GALNT15: variants seen among roughly 807,000 people sequenced by gnomAD.
GALNT15 encodes polypeptide N-acetylgalactosaminyltransferase 15.
In GALNT15, 67 loss-of-function variants were observed where a neutral mutation model predicts 66.8. The observed-to-expected ratio is 1.00, with a 90% CI of 0.82 to 1.23. The LOEUF is 1.23. GALNT15 is among the 50% of genes most tolerant of loss of function. The probability of loss-of-function intolerance (pLI) is 0.00; values close to 1 mark genes in which losing one functional copy is unlikely to be tolerated. For synonymous variants in GALNT15, 313 were observed against 311.5 expected (o/e 1.00, Z -0.05); for missense variants, 827 against 804.3 (o/e 1.03, Z -0.34).
intron 1 of GALNT15, among the ~76,000 whole-genome samples, chr3:16,190,344 C>T (rs901895142): frequency 7.9e-5 from 12 of 152,170 alleles, no homozygotes; most frequent in South Asian, 2.1e-4. Flanking sequence ...AGAAACAAAA[C>T]AATCCCTGGC....
At chr3:16,237,014 T>G in the GALNT15 span, among the ~76,000 whole-genome samples, 1 of 152,216 alleles carries the variant, frequency 6.6e-6, no homozygotes, top group African/African-American at 2.4e-5. The surrounding 1 kb of genome is among the most constrained non-coding windows in gnomAD (Gnocchi z 4.2). Flanking sequence ...CTTACTGTGG[T>G]GAAGACATTC....
At position 16,175,054 on chromosome 3, in the gene GALNT15, G is replaced by A; in HGVS notation, c.-98G>A. 2 of 1,225,548 alleles carry A rather than the reference G, an allele frequency of 1.6e-6. No homozygotes were observed. Among genetic ancestry groups the A allele is most frequent in the Non-Finnish European group, 1.1e-6 (1 of 876,268 alleles). The allele number at this position is 1,225,548 out of a possible 1,614,324, so 75.9% of individuals were successfully genotyped here. A position where few individuals can be genotyped will look rare whatever the true frequency, so the allele number is the denominator to read the frequency against. The stretch of plus-strand genomic sequence containing the variant: ...TGACTGGCAGAAAAACTTCCAGGTG[G>A]AACAAGCAACCCAGGTTCTGCTGCA... On this transcript the variant is annotated 5_prime_UTR_variant, in exon 1 of 10. Transcript: ENST00000339732. This position sits in a 1 kb window ranked among gnomAD's most constrained non-coding sequence, Gnocchi z 5.6.
downstream of GALNT15, among the ~76,000 whole-genome samples, chr3:16,232,507 T>C (rs1559698427): frequency 1.2e-5 from 1 of 84,116 alleles, no homozygotes; most frequent in African/African-American, 5.5e-5. Flanking sequence ...TATATATATA[T>C]ATATTTATTT....
chr3:16,235,143 T>C (rs1009631268), downstream of GALNT15, among the ~76,000 whole-genome samples: 29 of 152,146 alleles, frequency 1.9e-4, no homozygotes, highest in African/African-American at 6.8e-4. Context: ...CAGGATGGTC[T>C]CGATCTCCTG....
chr3:16,235,795 G>A (rs2064122203), downstream of GALNT15, among the ~76,000 whole-genome samples: 1 of 152,054 alleles, frequency 6.6e-6, no homozygotes, highest in Non-Finnish European at 1.5e-5. Context: ...TGCCGGGTAG[G>A]ATAGATACCA....
chr3:16,215,636 G>A (rs1284154710), intron 6 of GALNT15, among the ~76,000 whole-genome samples: 2 of 152,146 alleles, frequency 1.3e-5, no homozygotes, highest in Non-Finnish European at 2.9e-5. Context: ...GCTCGGCTGG[G>A]CACAGTGGCT....
chr3:16,220,430 C>T (rs2063930949), intron 8 of GALNT15, among the ~76,000 whole-genome samples: 1 of 152,164 alleles, frequency 6.6e-6, no homozygotes, highest in African/African-American at 2.4e-5. Context: ...ACAGGGTCAT[C>T]CCAGCCTCCA....
rs61127995 is a variant in GALNT15 at position 16,200,115 on chromosome 3, AAG to A, written c.707-491_707-490del. On this transcript the variant is annotated intron_variant, in intron 2 of 9. Coordinates refer to ENST00000339732, the MANE Select transcript of GALNT15 (RefSeq NM_054110.5). The surrounding 1 kb of genome is among the most constrained non-coding windows in gnomAD (Gnocchi z 4.4). ...GTCTTACATGGCAGCAAGTGAGAGA[AAG>A]AGAGAGAGAGAGGAGGAAAAACTAT... Among the ~76,000 whole-genome samples the A allele has an allele frequency of 7.3e-5, 11 of 151,498 alleles. No homozygotes were observed. The highest frequency in any genetic ancestry group is 1.9e-4 in the East Asian group (1 of 5,156).
chr3:16,235,026 C>T (rs1305019769), downstream of GALNT15, among the ~76,000 whole-genome samples: 1 of 151,826 alleles, frequency 6.6e-6, no homozygotes, highest in Non-Finnish European at 1.5e-5. Context: ...GGGTTCACAC[C>T]ATTATCCTGC....
chr3:16,223,577 G>A (rs1011659481), intron 9 of GALNT15, among the ~76,000 whole-genome samples: 14 of 152,090 alleles, frequency 9.2e-5, no homozygotes, highest in Admixed American at 7.2e-4. Flanking sequence ...GAAGAAAATC[G>A]TATGATAGAA....
At chr3:16,242,727 C>T in the GALNT15 span, among the ~76,000 whole-genome samples, 8 of 152,094 alleles carry the variant, frequency 5.3e-5, no homozygotes, top group East Asian at 3.8e-4. The surrounding 1 kb of genome is among the most constrained non-coding windows in gnomAD (Gnocchi z 5.6). Context: ...TGCCGTGAGC[C>T]GTGATTGTGC....
rs1294195260 is a variant in GALNT15 at position 16,204,464 on chromosome 3, G to A, written c.911+3641G>A. On this transcript the variant is annotated intron_variant, in intron 3 of 9. Transcript: ENST00000339732. The surrounding 1 kb of genome is among the most constrained non-coding windows in gnomAD (Gnocchi z 4.5). ...GCAACCCTACATAGAGTCTCCCTAT[G>A]GGCAACTGATTTTAGGGCAGCCCTG... 6.6e-6 allele frequency among the ~76,000 whole-genome samples: 1 copy of A among 152,120 alleles called. No homozygotes were observed.
chr3:16,210,973 C>A (rs577222451), intron 4 of GALNT15, 151 bp from the exon 5 acceptor site: 1 of 597,888 alleles, frequency 1.7e-6, no homozygotes, highest in African/African-American at 1.9e-5. Context: ...GGCTCTGCTC[C>A]AGTCTTGCAA....
intron 1 of GALNT15, among the ~76,000 whole-genome samples, chr3:16,177,846 T>A (rs2063427012): frequency 6.6e-6 from 1 of 152,266 alleles, no homozygotes; most frequent in Non-Finnish European, 1.5e-5. Flanking sequence ...TATGCATATA[T>A]GTACAAGTGT....
At chr3:16,201,208 G>A (rs571099161) in intron 3 of GALNT15, among the ~76,000 whole-genome samples, 14 of 150,228 alleles carry the variant, frequency 9.3e-5, no homozygotes, top group South Asian at 2.1e-4. Context: ...TTGTGATGGC[G>A]TCTCGCTCTG....
At position 16,181,490 on chromosome 3, in the gene GALNT15, C is replaced by T. The variant is rs1490440325; in HGVS notation, c.539+5800C>T. 5.3e-5 allele frequency among the ~76,000 whole-genome samples: 8 copies of T among 151,936 alleles called. No individual in the cohort carries two copies. Among genetic ancestry groups the T allele is most frequent in the South Asian group, 2.1e-4 (1 of 4,812 alleles). On this transcript the variant is annotated intron_variant, in intron 1 of 9. Transcript: ENST00000339732. This position sits in a 1 kb window ranked among gnomAD's most constrained non-coding sequence, Gnocchi z 5.9. ...GAGGGAAGGGCAGGGGCGGGAGAGT[C>T]GCCTTGGCTGCAGCTTTGTTGTCAA...
rs754261703 is a variant in GALNT15, at chr3:16,175,278, A to C, written c.127A>C (p.Thr43Pro). Reference protein sequence around the residue: ...LHPPHHTLHQTVTAQASKHSP... With the variant: ...LHPPHHTLHQPVTAQASKHSP... Reference sequence around the variant, plus strand: ...CCCTCCCCACCACACCCTGCACCAGACTGTCACAGCCCAAGCCAGCAAGCA... The same window carrying C: ...CCCTCCCCACCACACCCTGCACCAGCCTGTCACAGCCCAAGCCAGCAAGCA... Residue 43 changes from threonine to proline, a missense_variant, in exon 1 of 10, where the codon ACT becomes CCT. Transcript: ENST00000339732. The surrounding 1 kb of genome is among the most constrained non-coding windows in gnomAD (Gnocchi z 5.6). The C allele has an allele frequency of 1.9e-6, 3 of 1,614,120 alleles. No homozygotes were observed. The highest frequency in any genetic ancestry group is 3.3e-5 in the Admixed American group (2 of 60,014).
rs1331057312 is a variant in GALNT15 at position 16,195,937 on chromosome 3, C to T, written c.706+11C>T. The T allele has an allele frequency of 1.2e-6, 2 of 1,613,810 alleles. No homozygotes were observed. On this transcript the variant is annotated intron_variant, in intron 2 of 9. Coordinates refer to ENST00000339732, the MANE Select transcript of GALNT15 (RefSeq NM_054110.5). The surrounding 1 kb of genome is among the most constrained non-coding windows in gnomAD (Gnocchi z 4.6). The stretch of plus-strand genomic sequence containing the variant: ...ACCTCAGCCAGCAAGGTAGCCACGG[C>T]TTTCCTCCAGGCTCGTCTGGGTGAG...
In GALNT15 at chr3:16,227,390, A is replaced by C. The variant is rs573101406; in HGVS notation, c.1810A>C (p.Met604Leu). The change falls in exon 10 of 10, where the codon ATG becomes CTG. Residue 604 changes from methionine (M) to leucine (L), a missense_variant. Physicochemically the swap from Met to Leu is conservative, Grantham distance 15. Coordinates refer to ENST00000339732, the MANE Select transcript of GALNT15 (RefSeq NM_054110.5). This position sits in a 1 kb window ranked among gnomAD's most constrained non-coding sequence, Gnocchi z 4.5. ...TGTCCACATTCTTTCTGGGAAATGC[A>C]TGGAAGCTGTGGTGCAAGAAAACAA... ...MIVHILSGKC[M>L]EAVVQENNKD... The C allele has an allele frequency of 2.9e-5, 47 of 1,613,874 alleles. No homozygotes were observed. Among genetic ancestry groups the C allele is most frequent in the Non-Finnish European group, 3.8e-5 (45 of 1,179,992 alleles).
Sources: allele counts gnomAD v4.1 joint callset (sites outside exome capture counted in the v4.1 genomes callset), GRCh38; gene constraint gnomAD v4.1.1; non-coding constraint Gnocchi (gnomAD v3.1); transcripts MANE v1.5; gene names NCBI Gene and HGNC (gene_info 2026-07-23, HGNC 2026-07-21).